RANBP2: variants seen among roughly 807,000 people sequenced by gnomAD.
RANBP2 encodes the protein RAN binding protein 2.
In RANBP2, 57 loss-of-function variants were observed where a neutral mutation model predicts 303.6. The ratio of observed to expected loss-of-function variants is 0.19; its 90% CI spans 0.15 to 0.23. The LOEUF (loss-of-function observed/expected upper bound fraction) is 0.23, where lower values mean the gene tolerates loss of function less well. RANBP2 is among the 10% of genes least tolerant of loss of function. RANBP2 has a pLI of 1.00. For missense variants in RANBP2, 3,138 were observed against 3,780.8 expected (o/e 0.83, Z 4.46); for synonymous variants, 1,167 against 1,301.5 (o/e 0.90, Z 2.23).
chr2:109,066,608 C>A, the RANBP2 span, among the ~76,000 whole-genome samples: 1 of 152,142 alleles, frequency 6.6e-6, no homozygotes, highest in African/African-American at 2.4e-5. Flanking sequence ...ATTCCGATTC[C>A]ATTTGCAACT....
At chr2:109,363,556 C>T in the RANBP2 span, among the ~76,000 whole-genome samples, 5 of 152,116 alleles carry the variant, frequency 3.3e-5, no homozygotes, top group Admixed American at 2.0e-4. Context: ...TTCTCTGGTG[C>T]GTTGCCTTTC....
At chr2:109,535,875 A>G in the RANBP2 span, among the ~76,000 whole-genome samples, 1 of 152,140 alleles carries the variant, frequency 6.6e-6, no homozygotes, top group Admixed American at 6.6e-5. Flanking sequence ...GGGAGAAGAG[A>G]GTCTTTGCAC....
chr2:109,732,872 G>A, the RANBP2 span: 1 of 1,210,608 alleles, frequency 8.3e-7, no homozygotes, highest in Non-Finnish European at 1.2e-6. Context: ...TCCCCGAGAT[G>A]CAGCAGGTGT....
chr2:109,364,613 T>C, the RANBP2 span, among the ~76,000 whole-genome samples: 4 of 152,212 alleles, frequency 2.6e-5, no homozygotes, highest in Admixed American at 1.3e-4. Context: ...GTGGGGGCCA[T>C]GCGGCCACAA....
the RANBP2 span, among the ~76,000 whole-genome samples, chr2:109,628,500 TAATAAATA>T: frequency 2.5e-3 from 374 of 146,926 alleles, 2 homozygotes; most frequent in South Asian, 0.012. Flanking sequence ...TCTCAAAAAA[TAATAAATA>T]AATAAATAAA....
the RANBP2 span, among the ~76,000 whole-genome samples, chr2:109,273,574 G>C: frequency 6.6e-6 from 1 of 152,226 alleles, no homozygotes; most frequent in East Asian, 1.9e-4. Context: ...CAGGTGTCTT[G>C]TACAGATGGG....
the RANBP2 span, chr2:108,846,751 C>T: frequency 2.5e-6 from 4 of 1,609,728 alleles, no homozygotes; most frequent in Non-Finnish European, 3.4e-6. Context: ...TCGACTATGA[C>T]ATCAACATTG....
the RANBP2 span, among the ~76,000 whole-genome samples, chr2:109,248,862 C>A: frequency 6.9e-6 from 1 of 145,922 alleles, no homozygotes; most frequent in Non-Finnish European, 1.5e-5. Flanking sequence ...TTTTTCCTTT[C>A]CTTTTTCCTT....
the RANBP2 span, among the ~76,000 whole-genome samples, chr2:109,230,865 C>T: frequency 1.3e-5 from 2 of 152,178 alleles, no homozygotes; most frequent in African/African-American, 4.8e-5. Flanking sequence ...AGTTCACTGG[C>T]CAATAGGACT....
At chr2:109,285,154 T>C in the RANBP2 span, among the ~76,000 whole-genome samples, 1 of 152,224 alleles carries the variant, frequency 6.6e-6, no homozygotes, top group Non-Finnish European at 1.5e-5. Context: ...TGAGGCTTTC[T>C]ATGGAAGCTG....
chr2:108,780,557 T>C (rs1297890751), intron 25 of RANBP2, among the ~76,000 whole-genome samples: 1 of 147,740 alleles, frequency 6.8e-6, no homozygotes, highest in Non-Finnish European at 1.5e-5. Context: ...AAAGACAGAA[T>C]CTTGCTCTGT....
At chr2:109,449,594 G>A in the RANBP2 span, 2 of 1,390,408 alleles carry the variant, frequency 1.4e-6, no homozygotes, top group Non-Finnish European at 1.9e-6. Context: ...GCTAGAATGT[G>A]GGCTCCAAGT....
chr2:108,728,388 G>A (rs1694900112), intron 1 of RANBP2, among the ~76,000 whole-genome samples: 1 of 152,078 alleles, frequency 6.6e-6, no homozygotes, highest in Non-Finnish European at 1.5e-5. Context: ...CAACCTCCTG[G>A]GCTCAAGTGA....
the RANBP2 span, among the ~76,000 whole-genome samples, chr2:109,579,145 C>T: frequency 2.6e-5 from 4 of 152,082 alleles, no homozygotes; most frequent in Admixed American, 6.6e-5. Flanking sequence ...AGTACATTAT[C>T]AATATATTTA....
the RANBP2 span, among the ~76,000 whole-genome samples, chr2:109,100,450 G>A: frequency 9.9e-5 from 15 of 152,160 alleles, no homozygotes; most frequent in Non-Finnish European, 1.3e-4. Flanking sequence ...ATCTCAGTCC[G>A]TGGAAAAATT....
At chr2:109,736,909 A>G in the RANBP2 span, among the ~76,000 whole-genome samples, 1 of 152,112 alleles carries the variant, frequency 6.6e-6, no homozygotes, top group East Asian at 1.9e-4. Flanking sequence ...AGTTCCGTCA[A>G]GTCACCTTCT....
At chr2:109,663,813 C>G in the RANBP2 span, among the ~76,000 whole-genome samples, 4 of 152,296 alleles carry the variant, frequency 2.6e-5, no homozygotes, top group Admixed American at 6.5e-5. Context: ...TAACAAGAAT[C>G]CACACGCCAG....
the RANBP2 span, among the ~76,000 whole-genome samples, chr2:109,142,338 T>C: frequency 1.3e-5 from 2 of 152,200 alleles, no homozygotes; most frequent in Non-Finnish European, 2.9e-5. Context: ...CCATGCATGT[T>C]ATATTCTACT....
rs1199043034 is a variant in RANBP2 at position 108,771,744 on chromosome 2, T to A, written c.7893T>A (p.Asp2631Glu). The change falls in exon 21 of 29, where the codon GAT (aspartate) becomes GAA (glutamate). Residue 2631 changes from aspartate (D) to glutamate (E), a missense_variant. This residue lies in a region of RANBP2 where 497 missense variants were observed against 465.8 expected (regional missense o/e 1.07). Transcript: ENST00000283195. ...CTGAAGATTCTCCCTCAGATGATGA[T>A]GTTCTCATTGTATATGAACTAACTC... Reference protein sequence around the residue: ...KKPEDSPSDDDVLIVYELTPT... With the variant: ...KKPEDSPSDDEVLIVYELTPT... The A allele has an allele frequency of 6.2e-7, 1 of 1,613,962 alleles. No homozygotes were observed. The highest frequency in any genetic ancestry group is 1.1e-5 in the South Asian group (1 of 91,086).
Sources: gnomAD v4.1 joint callset for allele counts (sites outside exome capture counted in the v4.1 genomes callset) on GRCh38, gnomAD v4.1.1 for gene constraint, gnomAD v4.1.1 regional missense constraint, MANE v1.5 for transcripts, NCBI Gene and HGNC (gene_info 2026-07-23, HGNC 2026-07-21) for gene names.